GABRG3: variants seen among roughly 807,000 people sequenced by gnomAD.
GABRG3 encodes the protein gamma-aminobutyric acid receptor subunit gamma-3.
GABRG3 carries 25 observed loss-of-function variants against 48.8 expected under a neutral mutation model. The ratio of observed to expected loss-of-function variants is 0.51; its 90% CI spans 0.37 to 0.72. GABRG3 has a LOEUF of 0.72. Ranked by LOEUF, GABRG3 falls within the 30% of genes least tolerant of loss-of-function variation. The probability of loss-of-function intolerance (pLI) is 0.00; values close to 1 mark genes in which losing one functional copy is unlikely to be tolerated. For missense variants in GABRG3, 394 were observed against 577.9 expected (o/e 0.68, Z 3.26); for synonymous variants, 227 against 217.6 (o/e 1.04, Z -0.38).
intron 6 of GABRG3, among the ~76,000 whole-genome samples, chr15:27,495,736 G>A (rs59316829): frequency 0.093 from 14,142 of 151,966 alleles, 2,210 homozygotes; most frequent in African/African-American, 0.32. Flanking sequence ...ATTTGTTTCC[G>A]AAGTGTTTGT....
At chr15:27,220,180 T>C (rs1184059473) in intron 3 of GABRG3, among the ~76,000 whole-genome samples, 1 of 152,134 alleles carries the variant, frequency 6.6e-6, no homozygotes, top group Non-Finnish European at 1.5e-5. Context: ...ACAGGCAAAA[T>C]TTTATATCAA....
At chr15:27,357,061 A>G (rs903999679) in intron 5 of GABRG3, among the ~76,000 whole-genome samples, 7 of 152,116 alleles carry the variant, frequency 4.6e-5, no homozygotes, top group Admixed American at 1.3e-4. Flanking sequence ...GTTTAATTAG[A>G]CCCAGTTTTT....
At chr15:27,196,267 C>A (rs1004851209) in intron 3 of GABRG3, among the ~76,000 whole-genome samples, 1 of 152,108 alleles carries the variant, frequency 6.6e-6, no homozygotes. Flanking sequence ...TGTTAGGCAT[C>A]CTTCATGTTT....
intron 3 of GABRG3, among the ~76,000 whole-genome samples, chr15:27,028,728 TC>T (rs1286578778): frequency 6.9e-6 from 1 of 144,780 alleles, no homozygotes; most frequent in Non-Finnish European, 1.5e-5. Flanking sequence ...ATCGCTTGAA[TC>T]CAGGAGGCGG....
At chr15:27,446,600 ATTTT>A (rs1396040248) in intron 5 of GABRG3, among the ~76,000 whole-genome samples, 1 of 152,128 alleles carries the variant, frequency 6.6e-6, no homozygotes, top group Admixed American at 6.5e-5. Context: ...ATTTTTACTT[ATTTT>A]GTTTAATTAA....
intron 3 of GABRG3, among the ~76,000 whole-genome samples, chr15:27,033,786 G>A (rs6606860): frequency 0.62 from 94,551 of 151,928 alleles, 29,509 homozygotes; most frequent in East Asian, 0.67. Context: ...TATTGCTGTC[G>A]TAGATTTTTT....
chr15:27,522,390 CAAG>C (rs1288228586), intron 7 of GABRG3, among the ~76,000 whole-genome samples: 1 of 151,462 alleles, frequency 6.6e-6, no homozygotes, highest in African/African-American at 2.4e-5. Flanking sequence ...AATGGATTTA[CAAG>C]AAGTAATGAA....
intron 3 of GABRG3, among the ~76,000 whole-genome samples, chr15:27,078,378 C>T (rs1337182256): frequency 1.3e-5 from 2 of 152,106 alleles, no homozygotes; most frequent in African/African-American, 4.8e-5. Flanking sequence ...CCTAATATAC[C>T]TTGTTTTGCT....
chr15:27,254,053 A>G (rs1474289713), intron 3 of GABRG3, among the ~76,000 whole-genome samples: 1 of 152,166 alleles, frequency 6.6e-6, no homozygotes, highest in Non-Finnish European at 1.5e-5. Context: ...GACTATAATA[A>G]CCTTGCTTTG....
chr15:27,490,924 C>T (rs976101799), intron 6 of GABRG3, among the ~76,000 whole-genome samples: 5 of 150,992 alleles, frequency 3.3e-5, no homozygotes, highest in Admixed American at 1.3e-4. Flanking sequence ...CTGCTCTTGC[C>T]GCATTTCTGT....
chr15:27,051,016 A>G (rs183325503), intron 3 of GABRG3, among the ~76,000 whole-genome samples: 2 of 152,374 alleles, frequency 1.3e-5, no homozygotes, highest in South Asian at 2.1e-4. Context: ...TGTTAGCTGT[A>G]GCACATAAAA....
intron 5 of GABRG3, among the ~76,000 whole-genome samples, chr15:27,437,536 T>C (rs1376614945): frequency 6.6e-6 from 1 of 152,192 alleles, no homozygotes; most frequent in African/African-American, 2.4e-5. Flanking sequence ...GTCATTCTTT[T>C]GTTCTGCATA....
chr15:27,449,313 CCTCT>C (rs1889039645), intron 5 of GABRG3, among the ~76,000 whole-genome samples: 2 of 152,206 alleles, frequency 1.3e-5, no homozygotes, highest in Admixed American at 6.5e-5. Flanking sequence ...TCACTCCTGA[CCTCT>C]CTCAGGAAGG....
chr15:27,075,551 A>G (rs1194580857), intron 3 of GABRG3, among the ~76,000 whole-genome samples: 1 of 152,196 alleles, frequency 6.6e-6, no homozygotes, highest in Non-Finnish European at 1.5e-5. Context: ...AACTCTTTCC[A>G]TATTGTTTAT....
rs76888355 is a variant in GABRG3 at position 27,179,332 on chromosome 15, A to T, written c.271-147477A>T. Among the ~76,000 whole-genome samples the T allele has an allele frequency of 6.6e-6, 1 of 152,302 alleles. No individual in the cohort carries two copies. Among genetic ancestry groups the T allele is most frequent in the Non-Finnish European group, 1.5e-5 (1 of 68,030 alleles). ...CCACATGTGGCCAATGCACTTTATCATATGTGTCCGTGAGAATAGCACATT... is the reference window on the plus strand; with the variant it reads ...CCACATGTGGCCAATGCACTTTATCTTATGTGTCCGTGAGAATAGCACATT... On this transcript the variant is annotated intron_variant, in intron 3 of 9. Coordinates refer to ENST00000615808, the MANE Select transcript of GABRG3 (RefSeq NM_033223.5). The surrounding 1 kb of genome is among the most constrained non-coding windows in gnomAD (Gnocchi z 4.0).
chr15:27,455,948 A>G (rs1015131779), intron 5 of GABRG3, among the ~76,000 whole-genome samples: 1 of 152,126 alleles, frequency 6.6e-6, no homozygotes, highest in Non-Finnish European at 1.5e-5. Context: ...CTCTAGGATA[A>G]GCCTGGTCAC....
At chr15:27,241,637 T>C (rs1890130635) in intron 3 of GABRG3, among the ~76,000 whole-genome samples, 1 of 152,240 alleles carries the variant, frequency 6.6e-6, no homozygotes, top group Non-Finnish European at 1.5e-5. Context: ...TCCATTTAAA[T>C]GTTTCTCTTT....
chr15:27,066,854 G>A (rs1595503509), intron 3 of GABRG3, among the ~76,000 whole-genome samples: 1 of 152,240 alleles, frequency 6.6e-6, no homozygotes, highest in East Asian at 1.9e-4. Context: ...TATTTCTTTA[G>A]AATATCACAT....
At chr15:27,260,472 G>A (rs1890736721) in intron 3 of GABRG3, among the ~76,000 whole-genome samples, 1 of 152,144 alleles carries the variant, frequency 6.6e-6, no homozygotes, top group African/African-American at 2.4e-5. Flanking sequence ...GTAAAATAAA[G>A]ACACCTGTAA....
Sources: allele counts gnomAD v4.1 joint callset (sites outside exome capture counted in the v4.1 genomes callset), GRCh38; gene constraint gnomAD v4.1.1; non-coding constraint Gnocchi (gnomAD v3.1); transcripts MANE v1.5; gene names NCBI Gene and HGNC (gene_info 2026-07-23, HGNC 2026-07-21).